Variants in VEPH1 observed in about 807,000 individuals in gnomAD.
The protein encoded by VEPH1 is ventricular zone expressed PH domain containing 1.
VEPH1 carries 80 observed loss-of-function variants against 85.2 expected under a neutral mutation model. The observed-to-expected ratio is 0.94, with a 90% CI of 0.78 to 1.13. The LOEUF (loss-of-function observed/expected upper bound fraction) is 1.13. Among genes scored for constraint, VEPH1 ranks in the 50% most tolerant of loss-of-function variants. The probability of loss-of-function intolerance (pLI) is 0.00; values close to 1 mark genes in which losing one functional copy is unlikely to be tolerated. For synonymous variants in VEPH1, 297 were observed against 348.0 expected (o/e 0.85, Z 1.63); for missense variants, 955 against 980.5 (o/e 0.97, Z 0.35).
At chr3:157,393,953 G>GTC (rs1730125107) in intron 6 of VEPH1, among the ~76,000 whole-genome samples, 1 of 152,182 alleles carries the variant, frequency 6.6e-6, no homozygotes, top group Non-Finnish European at 1.5e-5. Flanking sequence ...CTCATTGGCT[G>GTC]GTGGGTTTAG....
At chr3:157,437,935 G>A (rs1733773399) in intron 4 of VEPH1, 4 of 1,527,500 alleles carry the variant, frequency 2.6e-6, no homozygotes, top group East Asian at 2.5e-5. Flanking sequence ...AAGCGGGGCC[G>A]GGACCTCCCA....
chr3:157,401,204 C>A (rs1319838982), intron 6 of VEPH1, among the ~76,000 whole-genome samples: 1 of 151,976 alleles, frequency 6.6e-6, no homozygotes, highest in Non-Finnish European at 1.5e-5. Context: ...TCATGGAAAT[C>A]ATTTTGAAGA....
intron 2 of VEPH1, chr3:157,493,267 T>A (rs186090314): frequency 2.2e-6 from 1 of 456,420 alleles, no homozygotes; most frequent in Non-Finnish European, 4.4e-6. Flanking sequence ...AGGGGCAATT[T>A]AGACGATCCC....
In VEPH1 at chr3:157,477,800, C is replaced by T. The variant is rs191368861; in HGVS notation, c.139-7271G>A. Among the ~76,000 whole-genome samples, 333 of 152,224 alleles carry T rather than the reference C, an allele frequency of 2.2e-3. 1 individual carries two copies. The highest frequency in any genetic ancestry group is 2.5e-3 in the East Asian group (13 of 5,182). Reference sequence around the variant, plus strand: ...GCTGCCCTGATGTGAAACCTGACAGCAACAGAAGCTAATGCTGGGCCCGAA... The same window carrying T: ...GCTGCCCTGATGTGAAACCTGACAGTAACAGAAGCTAATGCTGGGCCCGAA... On this transcript the variant is annotated intron_variant, in intron 2 of 13. Transcript: ENST00000362010.
intron 3 of VEPH1, 126 bp downstream of exon 3, chr3:157,470,188 G>T: frequency 1.2e-6 from 1 of 833,134 alleles, no homozygotes; most frequent in Non-Finnish European, 1.9e-6. Flanking sequence ...AGCTATTGAT[G>T]GCTTGTAGTG....
rs115277337 is a variant in VEPH1, at chr3:157,415,699, G to A, written c.697-1609C>T. ...TCTTGCCCACTTGGTCCACCTTCCC[G>A]CAGTCCAGTTCCCACTACACATCAC... is the stretch of plus-strand genomic sequence containing the variant. On this transcript the variant is annotated intron_variant, in intron 5 of 13. Coordinates refer to ENST00000362010, the MANE Select transcript of VEPH1 (RefSeq NM_001167912.2). Among the ~76,000 whole-genome samples, 356 of 152,070 alleles carry A rather than the reference G, an allele frequency of 2.3e-3. 1 individual carries two copies. The highest frequency in any genetic ancestry group is 4.4e-3 in the Non-Finnish European group (297 of 67,976).
At chr3:157,401,181 C>A (rs889370990) in intron 6 of VEPH1, among the ~76,000 whole-genome samples, 6 of 152,082 alleles carry the variant, frequency 3.9e-5, no homozygotes, top group Admixed American at 3.3e-4. Context: ...TAACCACAGG[C>A]CTTCTGGCCC....
intron 11 of VEPH1, among the ~76,000 whole-genome samples, chr3:157,301,496 C>A (rs1021901525): frequency 6.6e-6 from 1 of 152,178 alleles, no homozygotes; most frequent in African/African-American, 2.4e-5. Flanking sequence ...ACTTACCAAC[C>A]CATTCAGCAC....
intron 5 of VEPH1, among the ~76,000 whole-genome samples, chr3:157,417,099 C>A (rs1731980166): frequency 6.6e-6 from 1 of 151,850 alleles, no homozygotes; most frequent in African/African-American, 2.4e-5. Context: ...TCCTAATAGC[C>A]TAAAGCTTGT....
chr3:157,452,183 T>C lies in VEPH1; in HGVS notation c.529+7998A>G, dbSNP rs760195902. Among the ~76,000 whole-genome samples the C allele has an allele frequency of 7.9e-5, 12 of 152,224 alleles. No individual in the cohort carries two copies. The East Asian group carries it at 1.9e-3, about 25-fold the overall frequency. On this transcript the variant is annotated intron_variant, in intron 4 of 13. Transcript: ENST00000362010. ...TCATAAGCAAGCAAATCAGAGCACATGCAGGGGAGGGCAGCCAAGCAGAGC... is the reference window on the plus strand; with the variant it reads ...TCATAAGCAAGCAAATCAGAGCACACGCAGGGGAGGGCAGCCAAGCAGAGC...
chr3:157,484,312 G>A (rs908951602), intron 2 of VEPH1, among the ~76,000 whole-genome samples: 4 of 152,098 alleles, frequency 2.6e-5, no homozygotes, highest in African/African-American at 9.7e-5. Context: ...TTTCCCCAAA[G>A]ATGGGGTCTT....
rs752982625 is a variant in VEPH1 at position 157,414,062 on chromosome 3, A to G, written c.725T>C (p.Ile242Thr). The change falls in exon 6 of 14, where the codon ATT (isoleucine) becomes ACT (threonine). Residue 242 changes from isoleucine (I) to threonine (T), a missense_variant. Ile to Thr is a moderately conservative substitution (Grantham distance 89). Coordinates refer to ENST00000362010, the MANE Select transcript of VEPH1 (RefSeq NM_001167912.2). ...EVVQKCIPFLIGHLKDSTHND... is the reference protein window; with the variant it reads ...EVVQKCIPFLTGHLKDSTHND... ...ATGGGTTGAATCCTTCAAATGCCCA[A>G]TTAGGAAAGGAATACACTTCTGAAC... 6.8e-6 allele frequency: 11 copies of G among 1,612,772 alleles called. No homozygotes were observed. Among genetic ancestry groups the G allele is most frequent in the Non-Finnish European group, 8.5e-6 (10 of 1,179,310 alleles).
intron 13 of VEPH1, among the ~76,000 whole-genome samples, chr3:157,264,656 C>A (rs1354067775): frequency 6.6e-6 from 1 of 152,160 alleles, no homozygotes; most frequent in Non-Finnish European, 1.5e-5. Flanking sequence ...GTTTCTTTGA[C>A]TCAGTTTCCT....
At chr3:157,493,941 G>A (rs185580572) in intron 2 of VEPH1, among the ~76,000 whole-genome samples, 2 of 152,294 alleles carry the variant, frequency 1.3e-5, no homozygotes, top group East Asian at 3.9e-4. Flanking sequence ...ATTTGCAGAG[G>A]AGTGTGAAAG....
chr3:157,390,124 G>C (rs1194968532), intron 6 of VEPH1, among the ~76,000 whole-genome samples: 1 of 152,146 alleles, frequency 6.6e-6, no homozygotes, highest in Non-Finnish European at 1.5e-5. Context: ...CTTGCAACCT[G>C]GTTGTTTATA....
At chr3:157,457,061 T>C (rs542078500) in intron 4 of VEPH1, among the ~76,000 whole-genome samples, 1 of 152,190 alleles carries the variant, frequency 6.6e-6, no homozygotes, top group Non-Finnish European at 1.5e-5. Context: ...AGGAGTGTTT[T>C]GTAGTTCTCC....
intron 6 of VEPH1, among the ~76,000 whole-genome samples, chr3:157,393,405 T>C (rs1266354996): frequency 6.6e-6 from 1 of 152,210 alleles, no homozygotes; most frequent in African/African-American, 2.4e-5. Flanking sequence ...AATTGTAAAG[T>C]ATCTAGCATA....
At position 157,500,282 on chromosome 3, in the gene VEPH1, C is replaced by G. The variant is rs1055948078; in HGVS notation, c.-158+2995G>C. ...AAGGTTTTTAAGACTGCATTCTTCTCGACCCCTAAGTCGTCTGTTCCTGTG... is the reference window on the plus strand; with the variant it reads ...AAGGTTTTTAAGACTGCATTCTTCTGGACCCCTAAGTCGTCTGTTCCTGTG... On this transcript the variant is annotated intron_variant, in intron 1 of 13. Transcript: ENST00000362010. Among the ~76,000 whole-genome samples, 12 of 152,196 alleles carry G rather than the reference C, an allele frequency of 7.9e-5. 1 individual carries two copies. Among genetic ancestry groups the G allele is most frequent in the African/African-American group, 2.9e-4 (12 of 41,454 alleles).
chr3:157,259,931 C>T lies in VEPH1; in HGVS notation c.*1203G>A, dbSNP rs1712674668. 1 of 152,096 alleles carries T rather than the reference C, an allele frequency of 6.6e-6. No individual in the cohort carries two copies. Among genetic ancestry groups the T allele is most frequent in the Non-Finnish European group, 1.5e-5 (1 of 68,018 alleles). The allele number at this position is 152,096 out of a possible 1,614,324, so 9.4% of individuals were successfully genotyped here. ...CATGGTTGTTCACAAAACTTATTTC[C>T]TTGCAGCCGTAGAGCTCATGGCAGC... On this transcript the variant is annotated 3_prime_UTR_variant, in exon 14 of 14. Transcript: ENST00000362010.
Sources: allele counts gnomAD v4.1 joint callset (sites outside exome capture counted in the v4.1 genomes callset), GRCh38; gene constraint gnomAD v4.1.1; transcripts MANE v1.5; gene names NCBI Gene and HGNC (gene_info 2026-07-23, HGNC 2026-07-21).